CTU1: variants seen among roughly 807,000 people sequenced by gnomAD.
The protein encoded by CTU1 is cytosolic thiouridylase subunit 1.
In CTU1, 15 loss-of-function variants were observed where a neutral mutation model predicts 12.9. The observed-to-expected ratio is 1.16, with a 90% confidence interval of 0.78 to 1.79. The LOEUF is 1.79. Ranked by LOEUF, CTU1 falls within the 40% of genes most tolerant of loss-of-function variation. The pLI, the probability that CTU1 is intolerant of heterozygous loss-of-function variation, is 0.00. For missense variants in CTU1, 553 were observed against 550.5 expected (o/e 1.00, Z -0.05); for synonymous variants, 295 against 275.6 (o/e 1.07, Z -0.70).
intron 2 of CTU1, among the ~76,000 whole-genome samples, chr19:51,102,236 T>C (rs2091908991): frequency 6.6e-6 from 1 of 152,186 alleles, no homozygotes; most frequent in East Asian, 1.9e-4. Context: ...ACGTTTGACC[T>C]TGTGATTCCG....
At chr19:51,102,898 C>T (rs542451068) in intron 2 of CTU1, among the ~76,000 whole-genome samples, 3 of 152,358 alleles carry the variant, frequency 2.0e-5, no homozygotes, top group South Asian at 4.1e-4. Flanking sequence ...ACTCCCTCCA[C>T]GTCATAGGGT....
rs2091914632 is a variant in CTU1 at position 51,104,346 on chromosome 19, G to T, written c.224C>A (p.Ala75Glu). The T allele has an allele frequency of 6.9e-7, 1 of 1,455,512 alleles. No individual in the cohort carries two copies. The highest frequency in any genetic ancestry group is 3.0e-5 in the East Asian group (1 of 32,790). The allele number at this position is 1,455,512 out of a possible 1,614,324, so 90.2% of individuals were successfully genotyped here. A position where few individuals can be genotyped will look rare whatever the true frequency, so the allele number is the denominator to read the frequency against. Residue 75 changes from alanine to glutamate, a missense_variant, in exon 2 of 3, where the codon GCG (alanine) becomes GAG (glutamate). This residue lies in a region of CTU1 where 500 missense variants were observed against 458.5 expected (regional missense o/e 1.09). Transcript: ENST00000421832. ...TVLAHVLRAL[A>E]PRLGISLQLV... ...CTGCAGTGAGATGCCCAGGCGCGGC[G>T]CCAGCGCGCGCAGCACGTGCGCCAG...
chr19:51,106,656 C>A (rs1242770717), intron 1 of CTU1, among the ~76,000 whole-genome samples: 2 of 151,642 alleles, frequency 1.3e-5, no homozygotes, highest in African/African-American at 4.9e-5. Context: ...CAGGCGTGTA[C>A]CACCATGCCT....
intron 1 of CTU1, among the ~76,000 whole-genome samples, chr19:51,105,587 A>G (rs139386606): frequency 1.3e-3 from 203 of 152,324 alleles, no homozygotes; most frequent in Non-Finnish European, 2.1e-3. Context: ...TCTAGGATTT[A>G]CCACAATGTG....
intron 2 of CTU1, among the ~76,000 whole-genome samples, chr19:51,103,752 G>A (rs931134799): frequency 6.6e-6 from 1 of 152,212 alleles, no homozygotes; most frequent in South Asian, 2.1e-4. Context: ...GAGATCTCCA[G>A]AGATTTTCAC....
At chr19:51,103,093 C>G (rs2091911053) in intron 2 of CTU1, among the ~76,000 whole-genome samples, 1 of 152,136 alleles carries the variant, frequency 6.6e-6, no homozygotes, top group African/African-American at 2.4e-5. Context: ...TTATATCATA[C>G]GGGTTATGTA....
At position 51,104,533 on chromosome 19, in the gene CTU1, G is replaced by C. The variant is rs1395257773; in HGVS notation, c.37C>G (p.Arg13Gly). Residue 13 changes from arginine (R) to glycine (G), a missense_variant, in exon 2 of 3, where the codon CGC becomes GGC. By Grantham distance (125) the Arg-to-Gly change is moderately radical. Transcript: ENST00000421832. ...GAGAGCGGACGGCGGAGGGCGGCGC[G>C]TGCAGCATGGCAGGAGGCGCACGGC... ...APPCASCHAARAALRRPLSGQ... is the reference protein window; with the variant it reads ...APPCASCHAAGAALRRPLSGQ... The C allele has an allele frequency of 7.9e-7, 1 of 1,267,448 alleles. No individual in the cohort carries two copies. The highest frequency in any genetic ancestry group is 9.9e-7 in the Non-Finnish European group (1 of 1,007,952). The allele number at this position is 1,267,448 out of a possible 1,614,324, so 78.5% of individuals were successfully genotyped here. A position where few individuals can be genotyped will look rare whatever the true frequency, so the allele number is the denominator to read the frequency against.
chr19:51,105,417 C>T (rs1261899435), intron 1 of CTU1, among the ~76,000 whole-genome samples: 2 of 151,996 alleles, frequency 1.3e-5, no homozygotes, highest in African/African-American at 4.8e-5. Context: ...CATTCTTCCC[C>T]ACCCAGCCTA....
chr19:51,106,873 T>C (rs1017753620), intron 1 of CTU1, among the ~76,000 whole-genome samples: 6 of 152,198 alleles, frequency 3.9e-5, no homozygotes, highest in Non-Finnish European at 8.8e-5. Flanking sequence ...CCCTCCTGGC[T>C]GGTCCTCCAC....
chr19:51,106,186 C>T (rs980111569), intron 1 of CTU1, among the ~76,000 whole-genome samples: 4 of 152,226 alleles, frequency 2.6e-5, no homozygotes, highest in Non-Finnish European at 4.4e-5. Context: ...CCAACCTCCT[C>T]TCCTTCAGCC....
At chr19:51,105,971 G>A (rs2091919862) in intron 1 of CTU1, among the ~76,000 whole-genome samples, 1 of 152,202 alleles carries the variant, frequency 6.6e-6, no homozygotes, top group Non-Finnish European at 1.5e-5. Flanking sequence ...ACCCTAGTCT[G>A]GTCTGTCTCT....
rs2091914441 is a variant in CTU1 at position 51,104,290 on chromosome 19, A to C, written c.280T>G (p.Tyr94Asp). 6.7e-7 allele frequency: 1 copy of C among 1,499,908 alleles called. No homozygotes were observed. The highest frequency in any genetic ancestry group is 1.5e-5 in the African/African-American group (1 of 68,944). 92.9% of individuals were successfully genotyped at this position (1,499,908 alleles called of 1,614,324 possible). Residue 94 changes from tyrosine to aspartate, a missense_variant, in exon 2 of 3, where the codon TAC (tyrosine) becomes GAC (aspartate). Physicochemically the swap from Tyr to Asp is radical, Grantham distance 160. Coordinates refer to ENST00000421832, the MANE Select transcript of CTU1 (RefSeq NM_145232.4). ...ACGGCCGCCAACGCCGCGTCCCGGT[A>C]GCCACCGATGCCCTCATCGACGGCC... is the stretch of plus-strand genomic sequence containing the variant. Reference protein sequence around the residue: ...LVAVDEGIGGYRDAALAAVRR... With the variant: ...LVAVDEGIGGDRDAALAAVRR...
intron 1 of CTU1, among the ~76,000 whole-genome samples, chr19:51,107,845 A>G (rs1264758718): frequency 6.6e-6 from 1 of 152,086 alleles, no homozygotes; most frequent in African/African-American, 2.4e-5. Context: ...GAGCGCCTCC[A>G]CCAGGGCCCT....
At chr19:51,100,674 A>G (rs2122791010) in intron 2 of CTU1, among the ~76,000 whole-genome samples, 1 of 152,304 alleles carries the variant, frequency 6.6e-6, no homozygotes, top group Non-Finnish European at 1.5e-5. Context: ...AAGCTGGAAA[A>G]GGCAAGGAAA....
chr19:51,106,652 T>G (rs2091921345), intron 1 of CTU1, among the ~76,000 whole-genome samples: 1 of 151,332 alleles, frequency 6.6e-6, no homozygotes, highest in Non-Finnish European at 1.5e-5. Flanking sequence ...ACTACAGGCG[T>G]GTACCACCAT....
intron 1 of CTU1, among the ~76,000 whole-genome samples, chr19:51,106,170 G>C (rs1312562158): frequency 6.6e-6 from 1 of 152,180 alleles, no homozygotes; most frequent in Non-Finnish European, 1.5e-5. Flanking sequence ...GTGGCTCCTT[G>C]TTTCTCCAAC....
rs918470111 is a variant in CTU1, at chr19:51,097,704, A to C, written c.*897T>G. The C allele has an allele frequency of 6.8e-5, 7 of 103,692 alleles. No homozygotes were observed. Among genetic ancestry groups the C allele is most frequent in the Non-Finnish European group, 8.5e-5 (4 of 47,330 alleles). 6.4% of individuals were successfully genotyped at this position (103,692 alleles called of 1,614,324 possible). The stretch of plus-strand genomic sequence containing the variant: ...GGGGGGGATGGGGGGGCGGGGGGGA[A>C]GGGGGCTGATTATATTTTCATAGGA... On this transcript the variant is annotated 3_prime_UTR_variant, in exon 3 of 3. Coordinates refer to ENST00000421832, the MANE Select transcript of CTU1 (RefSeq NM_145232.4).
In CTU1 at chr19:51,098,551, A is replaced by T; in HGVS notation, c.*50T>A. 1 of 1,230,476 alleles carries T rather than the reference A, an allele frequency of 8.1e-7. No individual in the cohort carries two copies. The allele number at this position is 1,230,476 out of a possible 1,614,324, so 76.2% of individuals were successfully genotyped here. A position where few individuals can be genotyped will look rare whatever the true frequency, so the allele number is the denominator to read the frequency against. ...CGGGTTTATTCACAGTGTCATTTAC[A>T]GGCAGCCCCCACCCCGCGGCATCAG... On this transcript the variant is annotated 3_prime_UTR_variant, in exon 3 of 3. Transcript: ENST00000421832. The surrounding 1 kb of genome is among the most constrained non-coding windows in gnomAD (Gnocchi z 4.3).
intron 1 of CTU1, 127 bp from the exon 2 acceptor site, chr19:51,104,717 G>T (rs1599807961): frequency 2.8e-6 from 2 of 707,024 alleles, no homozygotes; most frequent in Non-Finnish European, 1.9e-6. Context: ...CGCGAGTGGA[G>T]TAGCTTCTTC....
Sources: gnomAD v4.1 joint callset for allele counts (sites outside exome capture counted in the v4.1 genomes callset) on GRCh38, gnomAD v4.1.1 for gene constraint, gnomAD v4.1.1 regional missense constraint, Gnocchi (gnomAD v3.1) non-coding constraint, MANE v1.5 for transcripts, NCBI Gene and HGNC (gene_info 2026-07-23, HGNC 2026-07-21) for gene names.